The following CHD1L variants were observed in gnomAD, a reference collection of about 807,000 sequenced individuals.
CHD1L encodes the protein chromodomain helicase DNA binding protein 1 like, also known as ATP-dependent chromatin remodeler CHD1L.
Under a neutral mutation model 115.9 loss-of-function variants are expected in CHD1L, and 118 were observed. That is an observed-to-expected ratio of 1.02 (90% CI 0.88 to 1.19). The LOEUF (loss-of-function observed/expected upper bound fraction) is 1.19. Ranked by LOEUF, CHD1L falls within the 50% of genes most tolerant of loss-of-function variation. The probability of loss-of-function intolerance (pLI) is 0.00; values close to 1 mark genes in which losing one functional copy is unlikely to be tolerated. For missense variants in CHD1L, 1,179 were observed against 1,065.3 expected (o/e 1.11, Z -1.49); for synonymous variants, 411 against 387.1 (o/e 1.06, Z -0.72).
the CHD1L span, among the ~76,000 whole-genome samples, chr1:147,196,216 A>G: frequency 0.037 from 5,611 of 152,232 alleles, 155 homozygotes; most frequent in South Asian, 0.095. Flanking sequence ...GGAACTCAGA[A>G]GTTCATCACT....
At chr1:147,224,836 C>A in the CHD1L span, 5 of 1,534,030 alleles carry the variant, frequency 3.3e-6, no homozygotes, top group Non-Finnish European at 4.5e-6. Context: ...GATAAACTGT[C>A]GTATGCACCT....
intron 1 of CHD1L, among the ~76,000 whole-genome samples, chr1:147,251,918 AT>A (rs34818365): frequency 6.6e-6 from 1 of 152,156 alleles, no homozygotes; most frequent in Non-Finnish European, 1.5e-5. Flanking sequence ...TATTTTGAAG[AT>A]TTTTTTAAAG....
the CHD1L span, chr1:147,208,611 G>C: frequency 2.8e-6 from 1 of 354,540 alleles, no homozygotes; most frequent in African/African-American, 2.1e-5. Context: ...GGCTAATTTT[G>C]TGTTTTTAGT....
chr1:147,231,000 A>G, the CHD1L span, among the ~76,000 whole-genome samples: 1 of 149,988 alleles, frequency 6.7e-6, no homozygotes, highest in East Asian at 1.9e-4. Flanking sequence ...TTGTGTCTCT[A>G]TTTCCTTCAG....
chr1:147,184,574 G>A, the CHD1L span: 1 of 1,548,908 alleles, frequency 6.5e-7, no homozygotes, highest in Non-Finnish European at 8.7e-7. This position sits in a 1 kb window ranked among gnomAD's most constrained non-coding sequence, Gnocchi z 4.4. Flanking sequence ...GAGGTAGTCA[G>A]GTATTTGTAG....
At chr1:147,290,470 C>T (rs1685073448) in intron 19 of CHD1L, among the ~76,000 whole-genome samples, 1 of 152,112 alleles carries the variant, frequency 6.6e-6, no homozygotes, top group Admixed American at 6.5e-5. Context: ...AGGGTGGCAC[C>T]ACGCCGAGGT....
At chr1:147,192,061 A>T in the CHD1L span, among the ~76,000 whole-genome samples, 1 of 152,054 alleles carries the variant, frequency 6.6e-6, no homozygotes, top group African/African-American at 2.4e-5. Context: ...GTCATTGGTC[A>T]CTTGATGCGG....
chr1:147,217,691 C>A, the CHD1L span, among the ~76,000 whole-genome samples: 1 of 152,208 alleles, frequency 6.6e-6, no homozygotes, highest in Non-Finnish European at 1.5e-5. Context: ...TTTGAAGTCT[C>A]TTCTTCTAAT....
At chr1:147,184,750 T>A in the CHD1L span, 1 of 1,191,534 alleles carries the variant, frequency 8.4e-7, no homozygotes. This position sits in a 1 kb window ranked among gnomAD's most constrained non-coding sequence, Gnocchi z 4.4. Flanking sequence ...CTTGATAACC[T>A]AGCCGAGATA....
chr1:147,192,814 T>C, the CHD1L span, among the ~76,000 whole-genome samples: 1 of 152,154 alleles, frequency 6.6e-6, no homozygotes, highest in Non-Finnish European at 1.5e-5. Flanking sequence ...TGGATTACAT[T>C]TATTGATTTG....
In CHD1L at chr1:147,252,708, T is replaced by C; in HGVS notation, c.213T>C (p.Asp71=). The part of the protein sequence containing the change: ...FHCQNGCILG[D]EMGLGKTCQT... ...GTCAGAATGGCTGTATCCTGGGAGATGAGATGGGCCTGGGGAAGACCTGCC... is the reference window on the plus strand; with the variant it reads ...GTCAGAATGGCTGTATCCTGGGAGACGAGATGGGCCTGGGGAAGACCTGCC... Residue 71 remains aspartate, a synonymous_variant, in exon 2 of 23, where the codon GAT becomes GAC. Transcript: ENST00000369258. 2.5e-6 allele frequency: 4 copies of C among 1,612,590 alleles called. No individual in the cohort carries two copies. The highest frequency in any genetic ancestry group is 3.4e-6 in the Non-Finnish European group (4 of 1,178,964).
At chr1:147,203,822 A>C in the CHD1L span, 2 of 1,556,464 alleles carry the variant, frequency 1.3e-6, no homozygotes, top group South Asian at 2.2e-5. Context: ...GGTAGAAATG[A>C]TGCCATCTTC....
the CHD1L span, chr1:147,215,936 G>A: frequency 1.9e-6 from 3 of 1,603,978 alleles, no homozygotes; most frequent in South Asian, 2.2e-5. Flanking sequence ...CCTTCTTCAG[G>A]ATTTTCCTGC....
chr1:147,189,205 C>T, the CHD1L span, among the ~76,000 whole-genome samples: 1 of 151,472 alleles, frequency 6.6e-6, no homozygotes, highest in Non-Finnish European at 1.5e-5. Flanking sequence ...ACCCAGGAGG[C>T]AGAGGTTGCA....
intron 7 of CHD1L, among the ~76,000 whole-genome samples, chr1:147,265,541 C>A (rs1673552547): frequency 6.6e-6 from 1 of 152,176 alleles, no homozygotes; most frequent in Admixed American, 6.5e-5. Context: ...TCACATCCAG[C>A]TGTGTGACTT....
At chr1:147,220,944 C>CAAAAA in the CHD1L span, among the ~76,000 whole-genome samples, 3 of 137,338 alleles carry the variant, frequency 2.2e-5, no homozygotes, top group Non-Finnish European at 3.1e-5. Flanking sequence ...TTTAAGTTTC[C>CAAAAA]AAAAAAAAAA....
the CHD1L span, chr1:147,224,412 T>C: frequency 2.5e-5 from 4 of 157,394 alleles, no homozygotes; most frequent in Admixed American, 6.3e-5. Flanking sequence ...TCAAAAAATG[T>C]AAAAATAAAA....
At chr1:147,266,739 C>T (rs782228498) in intron 8 of CHD1L, among the ~76,000 whole-genome samples, 1 of 151,970 alleles carries the variant, frequency 6.6e-6, no homozygotes. Flanking sequence ...AAAGTGCTTC[C>T]TTTAAGCAAA....
chr1:147,201,542 G>C, the CHD1L span: 1 of 1,531,326 alleles, frequency 6.5e-7, no homozygotes. Context: ...AGAAATGAGA[G>C]AAAGAGAAAT....
Sources: allele counts gnomAD v4.1 joint callset (sites outside exome capture counted in the v4.1 genomes callset), GRCh38; gene constraint gnomAD v4.1.1; non-coding constraint Gnocchi (gnomAD v3.1); transcripts MANE v1.5; gene names NCBI Gene and HGNC (gene_info 2026-07-23, HGNC 2026-07-21).